ZNF862: variants seen among roughly 807,000 people sequenced by gnomAD.
ZNF862 encodes the protein zinc finger protein 862.
A neutral mutation model predicts 91.1 loss-of-function variants in ZNF862; 64 were observed. That is an observed-to-expected ratio of 0.70 (90% CI 0.57 to 0.87). The LOEUF (loss-of-function observed/expected upper bound fraction) is 0.87, where lower values mean the gene tolerates loss of function less well. ZNF862 is among the 40% of genes least tolerant of loss of function. The probability of loss-of-function intolerance (pLI) is 0.00; values close to 1 mark genes in which losing one functional copy is unlikely to be tolerated. For synonymous variants in ZNF862, 631 were observed against 618.1 expected (o/e 1.02, Z -0.31); for missense variants, 1,459 against 1,528.0 (o/e 0.95, Z 0.75).
At chr7:149,863,109 G>A (rs546756979) in intron 7 of ZNF862, among the ~76,000 whole-genome samples, 7 of 152,302 alleles carry the variant, frequency 4.6e-5, no homozygotes, top group Non-Finnish European at 7.4e-5. Context: ...TCTCTGGACC[G>A]GAGGGCTGGG....
At position 149,860,829 on chromosome 7, in the gene ZNF862, C is replaced by G; in HGVS notation, c.1669C>G (p.His557Asp). ...CAGCGACCTCATGGCCAACATGGAG[C>G]ACTTTTTCAATGCCGCCTACTCCAT... ...ISSDLMANME[H>D]FFNAAYSIAY... is the part of the protein sequence containing the mutation. Residue 557 changes from histidine to aspartate, a missense_variant, in exon 7 of 8, where the codon CAC (histidine) becomes GAC (aspartate). Coordinates refer to ENST00000223210, the MANE Select transcript of ZNF862 (RefSeq NM_001099220.3). 1 of 1,613,766 alleles carries G rather than the reference C, an allele frequency of 6.2e-7. No individual in the cohort carries two copies. Among genetic ancestry groups the G allele is most frequent in the Non-Finnish European group, 8.5e-7 (1 of 1,179,898 alleles).
At chr7:149,853,151 G>A (rs994948598) in intron 5 of ZNF862, among the ~76,000 whole-genome samples, 1 of 152,124 alleles carries the variant, frequency 6.6e-6, no homozygotes, top group African/African-American at 2.4e-5. Context: ...TGAAACTCCC[G>A]GGCCCAGGCG....
At chr7:149,839,966 G>A (rs2128934851) in intron 1 of ZNF862, among the ~76,000 whole-genome samples, 1 of 152,230 alleles carries the variant, frequency 6.6e-6, no homozygotes, top group Middle Eastern at 3.4e-3. Context: ...AAGCTATTCT[G>A]TTCAGTCAGA....
intron 1 of ZNF862, 121 bp from the exon 2 acceptor site, chr7:149,844,504 C>A: frequency 1.6e-6 from 1 of 643,490 alleles, no homozygotes; most frequent in East Asian, 2.8e-5. Context: ...GGGGTGTGGG[C>A]CATGCATGTA....
chr7:149,863,700 C>T (rs192096090), intron 7 of ZNF862, among the ~76,000 whole-genome samples: 132 of 152,314 alleles, frequency 8.7e-4, no homozygotes, highest in Middle Eastern at 3.4e-3. Context: ...GCACCGCTGC[C>T]TCCTTCCAGG....
At chr7:149,844,936 A>C in intron 2 of ZNF862, 200 bp downstream of exon 2, 1 of 525,910 alleles carries the variant, frequency 1.9e-6, no homozygotes, top group Non-Finnish European at 3.4e-6. Flanking sequence ...TCCCCTTAAA[A>C]TGGTCAAGAG....
At chr7:149,846,522 C>T (rs1041946617) in intron 3 of ZNF862, among the ~76,000 whole-genome samples, 11 of 152,196 alleles carry the variant, frequency 7.2e-5, no homozygotes, top group Admixed American at 2.0e-4. Context: ...ATGACTTTGT[C>T]TTATTTACAA....
Position 149,847,730 on chromosome 7 carries a change from T to A in ZNF862, c.242-5T>A, listed in dbSNP as rs1290164483. 1.2e-6 allele frequency: 2 copies of A among 1,601,086 alleles called. No individual in the cohort carries two copies. The highest frequency in any genetic ancestry group is 1.7e-6 in the Non-Finnish European group (2 of 1,174,160). On this transcript the variant is annotated splice_polypyrimidine_tract_variant and splice_region_variant and intron_variant, in intron 3 of 7. Transcript: ENST00000223210. Reference sequence around the variant, plus strand: ...AAGCCAATCCCTTCTGTCTCTTCTCTAAAGGAAAAAAACAGATGGGCTACA... The same window carrying A: ...AAGCCAATCCCTTCTGTCTCTTCTCAAAAGGAAAAAAACAGATGGGCTACA...
intron 5 of ZNF862, among the ~76,000 whole-genome samples, chr7:149,851,171 CACTGCA>C (rs1232437192): frequency 1.3e-5 from 2 of 152,178 alleles, no homozygotes; most frequent in African/African-American, 2.4e-5. Flanking sequence ...GATCTTGGTT[CACTGCA>C]ACCTCTGCCT....
rs1324106088 is a variant in ZNF862, at chr7:149,865,629, T to G, written c.*1345T>G. On this transcript the variant is annotated 3_prime_UTR_variant, in exon 8 of 8. Coordinates refer to ENST00000223210, the MANE Select transcript of ZNF862 (RefSeq NM_001099220.3). Reference sequence around the variant, plus strand: ...AGGAGGCCGCTTATCAGGAGGAGGATGATTTTGTCTAGGTTCTGCCTTCCT... The same window carrying G: ...AGGAGGCCGCTTATCAGGAGGAGGAGGATTTTGTCTAGGTTCTGCCTTCCT... 2 of 152,268 alleles carry G rather than the reference T, an allele frequency of 1.3e-5. No homozygotes were observed. The highest frequency in any genetic ancestry group is 2.4e-5 in the African/African-American group (1 of 41,536). 9.4% of individuals were successfully genotyped at this position (152,268 alleles called of 1,614,324 possible).
At chr7:149,857,118 G>A (rs990038500) in intron 5 of ZNF862, among the ~76,000 whole-genome samples, 1 of 152,068 alleles carries the variant, frequency 6.6e-6, no homozygotes, top group Non-Finnish European at 1.5e-5. Context: ...TATATAAAGT[G>A]TGTTTTTAAT....
At chr7:149,841,781 C>T in intron 1 of ZNF862, 1 of 981,640 alleles carries the variant, frequency 1.0e-6, no homozygotes, top group Non-Finnish European at 1.2e-6. Flanking sequence ...GTGACTGATA[C>T]TCCTTTCTCA....
Position 149,838,402 on chromosome 7 carries a change from C to T in ZNF862, c.-210C>T, listed in dbSNP as rs1197754203. 5 of 396,802 alleles carry T rather than the reference C, an allele frequency of 1.3e-5. No homozygotes were observed. The highest frequency in any genetic ancestry group is 4.4e-5 in the Admixed American group (1 of 22,638). 24.6% of individuals were successfully genotyped at this position (396,802 alleles called of 1,614,324 possible). ...TGACCGTAAAGCTGTTCGCTCGGTG[C>T]GACGCAAGTCTCAGCTCAGCGCGCT... is the stretch of plus-strand genomic sequence containing the variant. On this transcript the variant is annotated 5_prime_UTR_variant, in exon 1 of 8. Coordinates refer to ENST00000223210, the MANE Select transcript of ZNF862 (RefSeq NM_001099220.3).
intron 4 of ZNF862, among the ~76,000 whole-genome samples, chr7:149,849,781 TCCCATC>T (rs1324046302): frequency 6.6e-6 from 1 of 152,200 alleles, no homozygotes; most frequent in Non-Finnish European, 1.5e-5. Flanking sequence ...ACCTCTTTGT[TCCCATC>T]CCATTGGGAA....
At chr7:149,847,638 C>T in intron 3 of ZNF862, 97 bp from the exon 4 acceptor site, 1 of 700,634 alleles carries the variant, frequency 1.4e-6, no homozygotes, top group East Asian at 2.8e-5. Context: ...TGTGTGCTTT[C>T]CGTCTTTCAT....
intron 5 of ZNF862, chr7:149,856,383 A>T (rs1026519891): frequency 2.6e-5 from 4 of 152,176 alleles, no homozygotes; most frequent in African/African-American, 9.7e-5. Context: ...TTTGTTGGTT[A>T]CATTGGTATA....
At chr7:149,843,512 TAA>T in intron 1 of ZNF862, among the ~76,000 whole-genome samples, 1 of 152,316 alleles carries the variant, frequency 6.6e-6, no homozygotes, top group Non-Finnish European at 1.5e-5. Flanking sequence ...TAGTTTTTTT[TAA>T]GTTTTTTTCT....
rs1015577164 is a variant in ZNF862, at chr7:149,840,971, C to T, written c.24+2336C>T. ...AACCTGATTCCGTGTCCTGTCCAAC[C>T]ACTAAGTGAAACCTCAGAGACTGGA... On this transcript the variant is annotated intron_variant, in intron 1 of 7. Transcript: ENST00000223210. 8 of 985,294 alleles carry T rather than the reference C, an allele frequency of 8.1e-6. No homozygotes were observed. The Admixed American group carries it at 3.7e-4, about 45-fold the overall frequency. The allele number at this position is 985,294 out of a possible 1,614,324, so 61.0% of individuals were successfully genotyped here.
chr7:149,841,521 A>G, intron 1 of ZNF862: 2 of 984,606 alleles, frequency 2.0e-6, no homozygotes, highest in Non-Finnish European at 2.4e-6. Context: ...CCCAGCTAGA[A>G]CAGTGGAGCA....
Sources: gnomAD v4.1 joint callset for allele counts (sites outside exome capture counted in the v4.1 genomes callset) on GRCh38, gnomAD v4.1.1 for gene constraint, MANE v1.5 for transcripts, NCBI Gene and HGNC (gene_info 2026-07-23, HGNC 2026-07-21) for gene names.